Variants in ITPKB observed in about 807,000 individuals in gnomAD.
The protein encoded by ITPKB is inositol-trisphosphate 3-kinase B.
A neutral mutation model predicts 69.4 loss-of-function variants in ITPKB; 13 were observed. The observed-to-expected ratio is 0.19, with a 90% CI of 0.12 to 0.30. The LOEUF (loss-of-function observed/expected upper bound fraction) is 0.30. ITPKB is among the 10% of genes least tolerant of loss of function. The pLI, the probability that ITPKB is intolerant of heterozygous loss-of-function variation, is 1.00. For synonymous variants in ITPKB, 584 were observed against 513.7 expected (o/e 1.14, Z -1.85); for missense variants, 1,240 against 1,250.5 (o/e 0.99, Z 0.13).
At position 226,736,159 on chromosome 1, in the gene ITPKB, C is replaced by T. The variant is rs767184522; in HGVS notation, c.1300G>A (p.Gly434Arg). ...CTGTCGGAGAGCTGCCAACGCCCCC[C>T]GCCCACGGGGGCCCCACTTCGGGCC... Reference protein sequence around the residue: ...EEARSGAPVGGGRWQLSDRVE... With the variant: ...EEARSGAPVGRGRWQLSDRVE... The change falls in exon 2 of 8, where the codon GGG becomes AGG. Residue 434 changes from glycine to arginine, a missense_variant. Around this residue, in one of 2 missense-constraint regions of ITPKB, gnomAD observed 992 missense variants for 853.8 expected, o/e 1.16. Transcript: ENST00000429204. 4.5e-6 allele frequency: 7 copies of T among 1,556,726 alleles called. No homozygotes were observed. The highest frequency in any genetic ancestry group is 3.7e-5 in the South Asian group (3 of 81,650).
chr1:226,734,522 G>A (rs1441485022), intron 2 of ITPKB, among the ~76,000 whole-genome samples: 2 of 151,896 alleles, frequency 1.3e-5, no homozygotes, highest in Admixed American at 6.6e-5. Context: ...CCCCAATATA[G>A]CACAACCACC....
intron 2 of ITPKB, among the ~76,000 whole-genome samples, chr1:226,711,369 T>C (rs1391724374): frequency 2.0e-5 from 3 of 150,848 alleles, no homozygotes; most frequent in Non-Finnish European, 4.4e-5. Context: ...CCTAACCAGA[T>C]GCAGTACCTG....
At chr1:226,671,119 GA>G (rs1436491149) in intron 2 of ITPKB, among the ~76,000 whole-genome samples, 1 of 152,222 alleles carries the variant, frequency 6.6e-6, no homozygotes, top group African/African-American at 2.4e-5. Context: ...GCTCAGGACT[GA>G]AAACTGTTCC....
At chr1:226,726,738 A>C (rs571506267) in intron 2 of ITPKB, among the ~76,000 whole-genome samples, 35 of 152,242 alleles carry the variant, frequency 2.3e-4, no homozygotes, top group African/African-American at 7.9e-4. Context: ...ATAGACTAAA[A>C]TATCAATTAT....
At chr1:226,693,396 C>T (rs951552084) in intron 2 of ITPKB, among the ~76,000 whole-genome samples, 1 of 152,196 alleles carries the variant, frequency 6.6e-6, no homozygotes, top group Non-Finnish European at 1.5e-5. Context: ...GCCTAAGAGT[C>T]ACTGCTTTAG....
intron 2 of ITPKB, among the ~76,000 whole-genome samples, chr1:226,717,751 G>C (rs1169692439): frequency 6.6e-6 from 1 of 152,236 alleles, no homozygotes; most frequent in African/African-American, 2.4e-5. Flanking sequence ...CTCCCACCGG[G>C]CTGCCCGCCA....
chr1:226,681,745 C>G (rs1467291341), intron 2 of ITPKB, among the ~76,000 whole-genome samples: 1 of 152,184 alleles, frequency 6.6e-6, no homozygotes, highest in African/African-American at 2.4e-5. Context: ...AAAAAGGGAG[C>G]AAATGCAGGT....
rs1384843710 is a variant in ITPKB at position 226,711,426 on chromosome 1, AGAGAGAGAGAGAGAGAGT to A, written c.1932+24083_1932+24100del. ...TTGAAAGAGAGAGAGAGAGAGAGAG[AGAGAGAGAGAGAGAGAGT>A]GTGTGTGTGTGTGTGTGTGTGTGTT... On this transcript the variant is annotated intron_variant, in intron 2 of 7. Coordinates refer to ENST00000429204, the MANE Select transcript of ITPKB (RefSeq NM_002221.4). 6.4e-5 allele frequency among the ~76,000 whole-genome samples: 8 copies of A among 125,362 alleles called. No individual in the cohort carries two copies. The South Asian group carries it at 8.2e-4, about 13-fold the overall frequency. The allele number at this position is 125,362 out of a possible 152,430, so 82.2% of individuals were successfully genotyped here. A position where few individuals can be genotyped will look rare whatever the true frequency, so the allele number is the denominator to read the frequency against.
At chr1:226,664,873 G>A (rs970311755) in intron 2 of ITPKB, among the ~76,000 whole-genome samples, 1 of 152,202 alleles carries the variant, frequency 6.6e-6, no homozygotes, top group Non-Finnish European at 1.5e-5. Context: ...CCAGCACGAC[G>A]CAAATGGACC....
intron 2 of ITPKB, among the ~76,000 whole-genome samples, chr1:226,676,940 C>T (rs1669745152): frequency 1.3e-5 from 2 of 152,154 alleles, no homozygotes; most frequent in Admixed American, 6.5e-5. Context: ...TTGTCTTTTA[C>T]GCAAGAACTA....
intron 2 of ITPKB, among the ~76,000 whole-genome samples, chr1:226,670,199 A>AG (rs1558080679): frequency 4.7e-5 from 7 of 150,342 alleles, no homozygotes; most frequent in African/African-American, 1.5e-4. Flanking sequence ...AAAAAAAAAA[A>AG]AAAAATTTCA....
intron 2 of ITPKB, among the ~76,000 whole-genome samples, chr1:226,712,633 C>T (rs1020454501): frequency 1.2e-4 from 19 of 152,356 alleles, no homozygotes; most frequent in African/African-American, 4.1e-4. Flanking sequence ...TAGCCCTGCA[C>T]TCCCTGGACG....
chr1:226,712,933 A>T (rs1558093478), intron 2 of ITPKB, among the ~76,000 whole-genome samples: 1 of 152,078 alleles, frequency 6.6e-6, no homozygotes, highest in Non-Finnish European at 1.5e-5. Context: ...CACAACTTCC[A>T]TCGCACCCCT....
rs1334759350 is a variant in ITPKB at position 226,737,598 on chromosome 1, G to A, written c.-140C>T. 8 of 1,169,350 alleles carry A rather than the reference G, an allele frequency of 6.8e-6. No individual in the cohort carries two copies. In the East Asian group the frequency reaches 2.9e-4, roughly 42 times the overall value. The allele number at this position is 1,169,350 out of a possible 1,614,324, so 72.4% of individuals were successfully genotyped here. On this transcript the variant is annotated 5_prime_UTR_variant, in exon 2 of 8. Coordinates refer to ENST00000429204, the MANE Select transcript of ITPKB (RefSeq NM_002221.4). Reference sequence around the variant, plus strand: ...CGCGCAGATGGGGCGGCATGGCCTGGGCAGCGGGCTGGGGGCACGACCGCG... The same window carrying A: ...CGCGCAGATGGGGCGGCATGGCCTGAGCAGCGGGCTGGGGGCACGACCGCG...
At chr1:226,718,350 C>T (rs575043126) in intron 2 of ITPKB, among the ~76,000 whole-genome samples, 3 of 151,366 alleles carry the variant, frequency 2.0e-5, no homozygotes, top group Non-Finnish European at 4.4e-5. Flanking sequence ...GGCGTGGTGG[C>T]TCACTCCCAT....
chr1:226,647,515 G>A (rs1316240358), intron 3 of ITPKB, 135 bp from the exon 4 acceptor site: 42 of 647,554 alleles, frequency 6.5e-5, no homozygotes, highest in Non-Finnish European at 5.8e-5. Context: ...TCCCTGCTAT[G>A]GACTGAGCAC....
In ITPKB at chr1:226,736,167, G is replaced by A. The variant is rs919018229; in HGVS notation, c.1292C>T (p.Pro431Leu). Residue 431 changes from proline to leucine, a missense_variant, in exon 2 of 8, where the codon CCC (proline) becomes CTC (leucine). This residue lies in a region of ITPKB where 992 missense variants were observed against 853.8 expected (regional missense o/e 1.16). Transcript: ENST00000429204. ...GAGCTGCCAACGCCCCCCGCCCACG[G>A]GGGCCCCACTTCGGGCCTCCTCAGG... ...VGPEEARSGA[P>L]VGGGRWQLSD... 4 of 1,553,366 alleles carry A rather than the reference G, an allele frequency of 2.6e-6. No individual in the cohort carries two copies. Among genetic ancestry groups the A allele is most frequent in the Non-Finnish European group, 3.5e-6 (4 of 1,150,362 alleles).
In ITPKB at chr1:226,634,599, G is replaced by A. The variant is rs1571831236; in HGVS notation, c.*72C>T. The stretch of plus-strand genomic sequence containing the variant: ...TCAGTCAGGTGTAAGTGAAGGAAAA[G>A]TTAGGAACGAGAAAGGAAGCACAGG... On this transcript the variant is annotated 3_prime_UTR_variant, in exon 8 of 8. Coordinates refer to ENST00000429204, the MANE Select transcript of ITPKB (RefSeq NM_002221.4). This position sits in a 1 kb window ranked among gnomAD's most constrained non-coding sequence, Gnocchi z 6.3. 4.3e-6 allele frequency: 3 copies of A among 702,358 alleles called. No individual in the cohort carries two copies. Among genetic ancestry groups the A allele is most frequent in the Admixed American group, 2.0e-5 (1 of 50,858 alleles). The allele number at this position is 702,358 out of a possible 1,614,324, so 43.5% of individuals were successfully genotyped here. A position where few individuals can be genotyped will look rare whatever the true frequency, so the allele number is the denominator to read the frequency against.
At position 226,736,520 on chromosome 1, in the gene ITPKB, A is replaced by T; in HGVS notation, c.939T>A (p.Thr313=). ...CAAGATCCTGTGGACGGTGTGGCCC[A>T]GTGGATGTAACTCTCGCTGCCACTT... ...ATEVAARVTS[T]GPHRPQDLAL... Residue 313 remains threonine, a synonymous_variant, in exon 2 of 8, where the codon ACT becomes ACA. Transcript: ENST00000429204. 1 of 1,613,930 alleles carries T rather than the reference A, an allele frequency of 6.2e-7. No individual in the cohort carries two copies.
Sources: gnomAD v4.1 joint callset for allele counts (sites outside exome capture counted in the v4.1 genomes callset) on GRCh38, gnomAD v4.1.1 for gene constraint, gnomAD v4.1.1 regional missense constraint, Gnocchi (gnomAD v3.1) non-coding constraint, MANE v1.5 for transcripts, NCBI Gene and HGNC (gene_info 2026-07-23, HGNC 2026-07-21) for gene names.